The following ELP4 variants were observed in gnomAD, a reference collection of about 807,000 sequenced individuals.
ELP4 encodes elongator complex protein 4.
ELP4 carries 51 observed loss-of-function variants against 48.9 expected under a neutral mutation model. That is an observed-to-expected ratio of 1.04 (90% CI 0.83 to 1.32). The LOEUF (loss-of-function observed/expected upper bound fraction) is 1.32, where lower values mean the gene tolerates loss of function less well. Among genes scored for constraint, ELP4 ranks in the 40% most tolerant of loss-of-function variants. The pLI is 0.00. For synonymous variants in ELP4, 210 were observed against 189.2 expected, an observed-to-expected ratio of 1.11 and a Z score of -0.90; for missense variants, 519 against 514.6, an observed-to-expected ratio of 1.01 and a Z score of -0.08.
chr11:31,584,689 A>T (rs1378624118), intron 3 of ELP4, among the ~76,000 whole-genome samples: 4 of 151,590 alleles, frequency 2.6e-5, no homozygotes, highest in Non-Finnish European at 5.9e-5. Context: ...CATTTTTTGT[A>T]TTTTTTTGTA....
intron 3 of ELP4, among the ~76,000 whole-genome samples, chr11:31,576,123 T>A (rs1360230097): frequency 3.3e-5 from 5 of 151,742 alleles, no homozygotes; most frequent in African/African-American, 9.7e-5. Context: ...AAAACAAAAA[T>A]AGGCAGGGAT....
At chr11:31,548,428 G>A (rs1305457155) in intron 3 of ELP4, among the ~76,000 whole-genome samples, 1 of 151,708 alleles carries the variant, frequency 6.6e-6, no homozygotes, top group Non-Finnish European at 1.5e-5. Flanking sequence ...CAACTTACAA[G>A]GGATGTGAAG....
chr11:31,769,526 T>C (rs1265538104), intron 9 of ELP4, among the ~76,000 whole-genome samples: 1 of 152,200 alleles, frequency 6.6e-6, no homozygotes, highest in Non-Finnish European at 1.5e-5. Flanking sequence ...TCCTGACTTT[T>C]CACATCTTAG....
At chr11:31,633,783 T>C (rs1014089411) in intron 7 of ELP4, 48 of 152,044 alleles carry the variant, frequency 3.2e-4, no homozygotes, top group African/African-American at 1.1e-3. Context: ...CTACTACTAC[T>C]GTGCTGTTAC....
intron 9 of ELP4, chr11:31,653,794 T>G (rs1427069840): frequency 6.6e-6 from 1 of 151,782 alleles, no homozygotes; most frequent in Non-Finnish European, 1.5e-5. Flanking sequence ...CTTGAGTACA[T>G]GGCGTCACTT....
chr11:31,571,925 T>C (rs1957199254), intron 3 of ELP4, among the ~76,000 whole-genome samples: 1 of 152,118 alleles, frequency 6.6e-6, no homozygotes, highest in African/African-American at 2.4e-5. Flanking sequence ...ACAAGCAGAG[T>C]AGATTTAGCA....
At chr11:31,649,500 C>T (rs2134072497) in intron 8 of ELP4, 1 of 151,798 alleles carries the variant, frequency 6.6e-6, no homozygotes, top group African/African-American at 2.4e-5. Flanking sequence ...CATGGTTTAC[C>T]TAGCACTGTT....
intron 3 of ELP4, among the ~76,000 whole-genome samples, chr11:31,555,436 T>A (rs1956915182): frequency 6.6e-6 from 1 of 152,088 alleles, no homozygotes. Context: ...AATATTGTCA[T>A]TTTATATTTC....
At chr11:31,570,089 A>G (rs1957170405) in intron 3 of ELP4, among the ~76,000 whole-genome samples, 1 of 152,196 alleles carries the variant, frequency 6.6e-6, no homozygotes. Context: ...TATTCTCAAT[A>G]GCAAAGACAT....
chr11:31,708,811 C>A (rs1946684475), intron 9 of ELP4, among the ~76,000 whole-genome samples: 2 of 152,028 alleles, frequency 1.3e-5, no homozygotes, highest in Admixed American at 1.3e-4. Flanking sequence ...TAAGCTGCTC[C>A]TTTGAATTAC....
At chr11:31,679,323 C>G (rs1464123071) in intron 9 of ELP4, among the ~76,000 whole-genome samples, 4 of 152,092 alleles carry the variant, frequency 2.6e-5, no homozygotes, top group East Asian at 1.9e-4. Context: ...ATCTTGAAGT[C>G]GGGCAGTATA....
At chr11:31,510,085 C>T in intron 1 of ELP4, 78 bp downstream of exon 1, 1 of 1,360,956 alleles carries the variant, frequency 7.3e-7, no homozygotes, top group Non-Finnish European at 1.0e-6. Context: ...CACTTTGACC[C>T]CACATCTCTT....
chr11:31,777,488 G>A (rs905667220), intron 9 of ELP4, among the ~76,000 whole-genome samples: 2 of 152,214 alleles, frequency 1.3e-5, no homozygotes, highest in Non-Finnish European at 2.9e-5. Context: ...TCTGGATGGT[G>A]ATCATTTTGC....
chr11:31,518,950 T>TA (rs1956165260), intron 1 of ELP4, among the ~76,000 whole-genome samples: 2 of 151,764 alleles, frequency 1.3e-5, no homozygotes, highest in Admixed American at 6.6e-5. Context: ...TAGCTGGGAT[T>TA]ATAGGCATGC....
At chr11:31,629,891 A>T (rs2134042244) in intron 6 of ELP4, among the ~76,000 whole-genome samples, 1 of 151,724 alleles carries the variant, frequency 6.6e-6, no homozygotes, top group Middle Eastern at 3.4e-3. Context: ...AATTCTTGCC[A>T]TTTTACTTAA....
chr11:31,752,849 A>AAG (rs1947756443), intron 9 of ELP4, among the ~76,000 whole-genome samples: 1 of 149,470 alleles, frequency 6.7e-6, no homozygotes, highest in South Asian at 2.1e-4. Flanking sequence ...AAAAAAAAAA[A>AAG]AAAGAACTGG....
At chr11:31,681,619 A>G (rs1946052061) in intron 9 of ELP4, among the ~76,000 whole-genome samples, 1 of 152,206 alleles carries the variant, frequency 6.6e-6, no homozygotes, top group Non-Finnish European at 1.5e-5. Context: ...CTGAAAGGGA[A>G]AGTAACGTTT....
intron 5 of ELP4, among the ~76,000 whole-genome samples, chr11:31,619,194 A>G (rs1337464890): frequency 6.6e-6 from 1 of 152,016 alleles, no homozygotes; most frequent in African/African-American, 2.4e-5. Flanking sequence ...GAAAAGGAGA[A>G]GTTAATAATG....
In ELP4 at chr11:31,785,660, C is replaced by T. The variant is rs761607482; in HGVS notation, c.*2136C>T. Reference sequence around the variant, plus strand: ...GGGCCGGCTTTGTAAAAATAAGCTACTGGAGAGGGGTGTGTATTTTTGTCT... The same window carrying T: ...GGGCCGGCTTTGTAAAAATAAGCTATTGGAGAGGGGTGTGTATTTTTGTCT... On this transcript the variant is annotated 3_prime_UTR_variant, in exon 10 of 10. Coordinates refer to ENST00000640961, the MANE Select transcript of ELP4 (RefSeq NM_019040.5). 1.0e-5 allele frequency: 2 copies of T among 195,030 alleles called. No individual in the cohort carries two copies. Among genetic ancestry groups the T allele is most frequent in the Non-Finnish European group, 2.1e-5 (2 of 93,878 alleles). The allele number at this position is 195,030 out of a possible 1,614,324, so 12.1% of individuals were successfully genotyped here.
Sources: allele counts gnomAD v4.1 joint callset (sites outside exome capture counted in the v4.1 genomes callset), GRCh38; gene constraint gnomAD v4.1.1; transcripts MANE v1.5; gene names NCBI Gene and HGNC (gene_info 2026-07-23, HGNC 2026-07-21).